Variants in KATNIP observed in about 807,000 individuals in gnomAD.
KATNIP encodes katanin interacting protein.
KATNIP carries 126 observed loss-of-function variants against 174.0 expected under a neutral mutation model. That is an observed-to-expected ratio of 0.72 (90% confidence interval 0.63 to 0.84). The LOEUF (loss-of-function observed/expected upper bound fraction) is 0.84. Ranked by LOEUF, KATNIP falls within the 40% of genes least tolerant of loss-of-function variation. KATNIP has a pLI of 0.00. For synonymous variants in KATNIP, 810 were observed against 835.7 expected (o/e 0.97, Z 0.53); for missense variants, 1,958 against 2,109.7 (o/e 0.93, Z 1.41).
At chr16:27,616,887 T>TAAAAAAAAAAAA (rs556687403) in intron 2 of KATNIP, among the ~76,000 whole-genome samples, 1 of 31,384 alleles carries the variant, frequency 3.2e-5, no homozygotes, top group Non-Finnish European at 5.2e-5. Context: ...CCATCTCTAC[T>TAAAAAAAAAAAA]AAAAAAAAAA....
At chr16:27,588,043 C>T (rs899484014) in intron 2 of KATNIP, among the ~76,000 whole-genome samples, 9 of 151,690 alleles carry the variant, frequency 5.9e-5, no homozygotes, top group Non-Finnish European at 1.2e-4. Flanking sequence ...GGGCATATGC[C>T]GCCATCTCCA....
intron 2 of KATNIP, among the ~76,000 whole-genome samples, chr16:27,601,244 C>A (rs1302956824): frequency 1.3e-5 from 2 of 152,156 alleles, no homozygotes; most frequent in Non-Finnish European, 2.9e-5. Context: ...CTCGCATTGT[C>A]CCTGCTCTCG....
intron 17 of KATNIP, 42 bp downstream of exon 17, chr16:27,751,966 G>C (rs763967738): frequency 6.6e-7 from 1 of 1,520,534 alleles, no homozygotes; most frequent in East Asian, 2.3e-5. Context: ...CCCCCAGATA[G>C]GTTTCTTCCC....
chr16:27,777,060 T>C lies in KATNIP; in HGVS notation c.4551+31T>C. On this transcript the variant is annotated intron_variant, in intron 25 of 27. Coordinates refer to ENST00000261588, the MANE Select transcript of KATNIP (RefSeq NM_015202.5). This position sits in a 1 kb window ranked among gnomAD's most constrained non-coding sequence, Gnocchi z 4.4. ...TACTTATTAGCTGAGTTTTTTGAGA[T>C]AATTATGCTCGTTGGTAATTAGGCC... 7.2e-7 allele frequency: 1 copy of C among 1,397,294 alleles called. No homozygotes were observed. Among genetic ancestry groups the C allele is most frequent in the East Asian group, 2.3e-5 (1 of 43,524 alleles). 86.6% of individuals were successfully genotyped at this position (1,397,294 alleles called of 1,614,324 possible). A position where few individuals can be genotyped will look rare whatever the true frequency, so the allele number is the denominator to read the frequency against.
intron 1 of KATNIP, among the ~76,000 whole-genome samples, chr16:27,571,682 GCCT>G (rs1405935461): frequency 6.6e-6 from 1 of 152,234 alleles, no homozygotes; most frequent in Non-Finnish European, 1.5e-5. Flanking sequence ...CATCTCACTG[GCCT>G]CTGCACTACT....
At chr16:27,570,262 A>G (rs1567445714) in intron 1 of KATNIP, among the ~76,000 whole-genome samples, 1 of 152,004 alleles carries the variant, frequency 6.6e-6, no homozygotes, top group African/African-American at 2.4e-5. Flanking sequence ...AGAAAACTCC[A>G]GTTTTCCCTT....
At chr16:27,772,466 C>T (rs1340827995) in intron 22 of KATNIP, among the ~76,000 whole-genome samples, 4 of 152,228 alleles carry the variant, frequency 2.6e-5, no homozygotes, top group South Asian at 2.1e-4. Context: ...GAGAGCCACC[C>T]GGCCTGCTCC....
intron 4 of KATNIP, 37 bp from the exon 5 acceptor site, chr16:27,631,028 T>C (rs2076471644): frequency 6.7e-7 from 1 of 1,499,206 alleles, no homozygotes; most frequent in African/African-American, 1.4e-5. Flanking sequence ...TTGTCATCAG[T>C]GCCTCACCAA....
At chr16:27,552,650 C>G (rs1316484974) in intron 1 of KATNIP, among the ~76,000 whole-genome samples, 2 of 149,844 alleles carry the variant, frequency 1.3e-5, no homozygotes, top group Non-Finnish European at 3.0e-5. Context: ...GCTGGGATTA[C>G]AGACGTGAGC....
intron 8 of KATNIP, among the ~76,000 whole-genome samples, chr16:27,683,954 C>A (rs1296905343): frequency 6.6e-6 from 1 of 152,184 alleles, no homozygotes; most frequent in Non-Finnish European, 1.5e-5. Flanking sequence ...CTGCACGAAC[C>A]CCCCTAGAGC....
At chr16:27,723,216 T>G (rs2080308767) in intron 14 of KATNIP, among the ~76,000 whole-genome samples, 1 of 152,098 alleles carries the variant, frequency 6.6e-6, no homozygotes. Context: ...CTTCAAACCC[T>G]CAGAGCTTCC....
intron 8 of KATNIP, 114 bp downstream of exon 8, chr16:27,681,644 C>A: frequency 1.7e-6 from 2 of 1,202,416 alleles, no homozygotes; most frequent in Non-Finnish European, 2.4e-6. Context: ...GGCTAGCTGC[C>A]CTTTAGCAAA....
intron 19 of KATNIP, 62 bp downstream of exon 19, chr16:27,761,652 T>C: frequency 7.1e-7 from 1 of 1,401,648 alleles, no homozygotes; most frequent in Non-Finnish European, 1.0e-6. Flanking sequence ...TTGTTCTGCC[T>C]CTGAGACTTC....
intron 2 of KATNIP, among the ~76,000 whole-genome samples, chr16:27,605,384 A>G (rs1307454594): frequency 6.6e-6 from 1 of 152,224 alleles, no homozygotes; most frequent in Non-Finnish European, 1.5e-5. Flanking sequence ...TTAGATAGCT[A>G]TGTAAGAAAA....
At position 27,777,584 on chromosome 16, in the gene KATNIP, A is replaced by G. The variant is rs76049273; in HGVS notation, c.4552-26A>G. 0.022 allele frequency: 34,887 copies of G among 1,581,830 alleles called. 501 individuals are homozygous for G. Among genetic ancestry groups the G allele is most frequent in the Non-Finnish European group, 0.025 (29,043 of 1,161,376 alleles). On this transcript the variant is annotated intron_variant, in intron 25 of 27. Transcript: ENST00000261588. The surrounding 1 kb of genome is among the most constrained non-coding windows in gnomAD (Gnocchi z 4.4). ...AACGTGGGAGGGACGAGGGGGACCC[A>G]TGAGTCCTGCCCCGTGTCCCTGCAG...
At chr16:27,602,322 C>T (rs1213450224) in intron 2 of KATNIP, among the ~76,000 whole-genome samples, 6 of 152,198 alleles carry the variant, frequency 3.9e-5, no homozygotes, top group Non-Finnish European at 4.4e-5. Context: ...TCCCGGCCGC[C>T]TCAGCATCAG....
intron 6 of KATNIP, among the ~76,000 whole-genome samples, chr16:27,658,525 A>G (rs2142443894): frequency 6.6e-6 from 1 of 152,302 alleles, no homozygotes; most frequent in South Asian, 2.1e-4. Flanking sequence ...GCTTTTCTAC[A>G]TTGTACAAAG....
chr16:27,708,533 A>C, intron 12 of KATNIP, 172 bp from the exon 13 acceptor site: 1 of 568,988 alleles, frequency 1.8e-6, no homozygotes, highest in Non-Finnish European at 3.1e-6. Flanking sequence ...GAATTCATTT[A>C]ATCATTGTAA....
chr16:27,557,124 C>T (rs1250213200), intron 1 of KATNIP, among the ~76,000 whole-genome samples: 4 of 150,440 alleles, frequency 2.7e-5, no homozygotes, highest in Non-Finnish European at 4.4e-5. Flanking sequence ...CTATTCTTGA[C>T]ATTTTTCTGT....
Sources: gnomAD v4.1 joint callset for allele counts (sites outside exome capture counted in the v4.1 genomes callset) on GRCh38, gnomAD v4.1.1 for gene constraint, Gnocchi (gnomAD v3.1) non-coding constraint, MANE v1.5 for transcripts, NCBI Gene and HGNC (gene_info 2026-07-23, HGNC 2026-07-21) for gene names.